Variants in ZNF25 observed in about 807,000 individuals in gnomAD.
ZNF25 encodes the protein zinc finger protein 25.
In ZNF25, 21 loss-of-function variants were observed where a neutral mutation model predicts 30.9. The observed-to-expected ratio is 0.68, with a 90% CI of 0.48 to 0.98. The LOEUF (loss-of-function observed/expected upper bound fraction) is 0.98, where lower values mean the gene tolerates loss of function less well. Ranked by LOEUF, ZNF25 falls within the 50% of genes least tolerant of loss-of-function variation. The pLI, the probability that ZNF25 is intolerant of heterozygous loss-of-function variation, is 0.00. For missense variants in ZNF25, 501 were observed against 529.9 expected, an observed-to-expected ratio of 0.95 and a Z score of 0.54; for synonymous variants, 169 against 181.3, an observed-to-expected ratio of 0.93 and a Z score of 0.55.
Position 37,952,052 on chromosome 10 carries a change from T to C in ZNF25, c.*75A>G. Reference sequence around the variant, plus strand: ...AATTTCCCTCTATTGATGCGATTCATAAGGTGTACCTCTTGTGTGAATTAT... The same window carrying C: ...AATTTCCCTCTATTGATGCGATTCACAAGGTGTACCTCTTGTGTGAATTAT... On this transcript the variant is annotated 3_prime_UTR_variant, in exon 6 of 6. Coordinates refer to ENST00000302609, the MANE Select transcript of ZNF25 (RefSeq NM_145011.4). 4 of 1,404,414 alleles carry C rather than the reference T, an allele frequency of 2.8e-6. No homozygotes were observed. Among genetic ancestry groups the C allele is most frequent in the Admixed American group, 2.4e-5 (1 of 41,512 alleles). The allele number at this position is 1,404,414 out of a possible 1,614,324, so 87.0% of individuals were successfully genotyped here. A position where few individuals can be genotyped will look rare whatever the true frequency, so the allele number is the denominator to read the frequency against.
In ZNF25 at chr10:37,950,219, A is replaced by G. The variant is rs1363477345; in HGVS notation, c.*1908T>C. 1 of 152,662 alleles carries G rather than the reference A, an allele frequency of 6.6e-6. No individual in the cohort carries two copies. Among genetic ancestry groups the G allele is most frequent in the East Asian group, 1.9e-4 (1 of 5,202 alleles). 9.5% of individuals were successfully genotyped at this position (152,662 alleles called of 1,614,324 possible). The stretch of plus-strand genomic sequence containing the variant: ...TACAACTACTCAACTCTGCTGGGGT[A>G]GTGCAAAGACAGCCACAGGTCAAAC... On this transcript the variant is annotated 3_prime_UTR_variant, in exon 6 of 6. Coordinates refer to ENST00000302609, the MANE Select transcript of ZNF25 (RefSeq NM_145011.4).
intron 2 of ZNF25, among the ~76,000 whole-genome samples, chr10:37,970,946 C>T (rs1248969956): frequency 6.6e-6 from 1 of 152,184 alleles, no homozygotes; most frequent in Non-Finnish European, 1.5e-5. Flanking sequence ...TCCTAAATTG[C>T]TTGAGTTTGT....
At chr10:37,955,377 C>A (rs905211937) in intron 4 of ZNF25, among the ~76,000 whole-genome samples, 1 of 152,094 alleles carries the variant, frequency 6.6e-6, no homozygotes, top group Non-Finnish European at 1.5e-5. Context: ...ATTAAGTATA[C>A]CATGCAGGCT....
intron 1 of ZNF25, among the ~76,000 whole-genome samples, chr10:37,975,844 A>G (rs1564810913): frequency 6.6e-6 from 1 of 152,212 alleles, no homozygotes; most frequent in Non-Finnish European, 1.5e-5. Flanking sequence ...ATGCTGTGCT[A>G]AATACAAGTC....
chr10:37,974,493 T>C (rs2063686354), intron 1 of ZNF25, among the ~76,000 whole-genome samples: 1 of 152,096 alleles, frequency 6.6e-6, no homozygotes, highest in African/African-American at 2.4e-5. Context: ...GACATACAAA[T>C]GGCCAATAGG....
intron 2 of ZNF25, among the ~76,000 whole-genome samples, chr10:37,958,403 G>A (rs753629860): frequency 1.1e-4 from 16 of 152,144 alleles, no homozygotes; most frequent in South Asian, 8.3e-4. Flanking sequence ...ACCTATTGTG[G>A]GTACATAATG....
intron 3 of ZNF25, 35 bp downstream of exon 3, chr10:37,957,379 TGCAAAC>T: frequency 6.3e-7 from 1 of 1,593,992 alleles, no homozygotes; most frequent in South Asian, 1.1e-5. Flanking sequence ...AGAAGATAGA[TGCAAAC>T]TACTGGGATT....
intron 4 of ZNF25, 86 bp downstream of exon 4, chr10:37,956,934 A>AAAG: frequency 2.1e-6 from 2 of 947,852 alleles, no homozygotes; most frequent in Non-Finnish European, 1.6e-6. Context: ...AAAAAAAAAA[A>AAAG]GTGAGAGATT....
rs2062135679 is a variant in ZNF25 at position 37,951,362 on chromosome 10, C to G, written c.*765G>C. On this transcript the variant is annotated 3_prime_UTR_variant, in exon 6 of 6. Transcript: ENST00000302609. The stretch of plus-strand genomic sequence containing the variant: ...CGCAAGTTACATGTTATAGCACACT[C>G]ACATACGCACAAAATCCTATATGCT... 6.6e-6 allele frequency: 1 copy of G among 152,500 alleles called. No homozygotes were observed. The highest frequency in any genetic ancestry group is 1.5e-5 in the Non-Finnish European group (1 of 68,036). The allele number at this position is 152,500 out of a possible 1,614,324, so 9.4% of individuals were successfully genotyped here. A position where few individuals can be genotyped will look rare whatever the true frequency, so the allele number is the denominator to read the frequency against.
chr10:37,956,222 A>G (rs1264272236), intron 4 of ZNF25, among the ~76,000 whole-genome samples: 1 of 152,214 alleles, frequency 6.6e-6, no homozygotes, highest in East Asian at 1.9e-4. Context: ...TCCAAAATGA[A>G]AGAATTGATG....
intron 2 of ZNF25, among the ~76,000 whole-genome samples, chr10:37,970,713 T>C (rs1488470749): frequency 6.6e-6 from 1 of 152,210 alleles, no homozygotes; most frequent in African/African-American, 2.4e-5. Context: ...CTTACCATTC[T>C]TTCCCTAAGT....
intron 2 of ZNF25, among the ~76,000 whole-genome samples, chr10:37,962,695 G>C (rs1208323363): frequency 1.3e-5 from 2 of 152,018 alleles, no homozygotes; most frequent in Non-Finnish European, 2.9e-5. Context: ...AAAAATACAT[G>C]TTAACAATAT....
At chr10:37,965,501 GAAAGA>G (rs2063134003) in intron 2 of ZNF25, among the ~76,000 whole-genome samples, 1 of 152,144 alleles carries the variant, frequency 6.6e-6, no homozygotes, top group African/African-American at 2.4e-5. Flanking sequence ...TTAAAGTGCT[GAAAGA>G]AAAGAATTCT....
At chr10:37,954,423 AG>A (rs2062384618) in intron 4 of ZNF25, among the ~76,000 whole-genome samples, 2 of 152,174 alleles carry the variant, frequency 1.3e-5, no homozygotes, top group Admixed American at 1.3e-4. Context: ...TTTTCAGGAC[AG>A]GAAGACAGAG....
chr10:37,974,904 T>C (rs1376710861), intron 1 of ZNF25, among the ~76,000 whole-genome samples: 2 of 152,208 alleles, frequency 1.3e-5, no homozygotes, highest in Non-Finnish European at 1.5e-5. Flanking sequence ...AATTGTGGTA[T>C]ATATACACAA....
In ZNF25 at chr10:37,953,199, G is replaced by T; in HGVS notation, c.303-4C>A. The T allele has an allele frequency of 1.3e-6, 2 of 1,568,430 alleles. No homozygotes were observed. The highest frequency in any genetic ancestry group is 1.4e-5 in the African/African-American group (1 of 72,506). On this transcript the variant is annotated splice_polypyrimidine_tract_variant and splice_region_variant and intron_variant, in intron 5 of 5. Coordinates refer to ENST00000302609, the MANE Select transcript of ZNF25 (RefSeq NM_145011.4). ...ATGTTTTGTGAGTTCTCCATTCCTA[G>T]ACAGAAAGTTCCACATTCATTAATG...
At chr10:37,973,572 T>C (rs899434781) in intron 1 of ZNF25, among the ~76,000 whole-genome samples, 5 of 147,218 alleles carry the variant, frequency 3.4e-5, no homozygotes, top group South Asian at 2.2e-4. Context: ...TGAGCCAAGA[T>C]TGCACCAAAC....
At chr10:37,956,948 G>A (rs985938778) in intron 4 of ZNF25, 72 bp downstream of exon 4, 13 of 914,966 alleles carry the variant, frequency 1.4e-5, no homozygotes, top group Middle Eastern at 2.5e-4. Context: ...AGAGATTGCC[G>A]AAAAGTACTT....
intron 1 of ZNF25, 90 bp from the exon 2 acceptor site, chr10:37,971,897 T>C: frequency 2.5e-6 from 2 of 802,288 alleles, no homozygotes; most frequent in Non-Finnish European, 4.0e-6. Context: ...GTAAGGACCA[T>C]GATGAAGTAG....
Sources: allele counts gnomAD v4.1 joint callset (sites outside exome capture counted in the v4.1 genomes callset), GRCh38; gene constraint gnomAD v4.1.1; transcripts MANE v1.5; gene names NCBI Gene and HGNC (gene_info 2026-07-23, HGNC 2026-07-21).